Variants in MARCHF3 observed in about 807,000 individuals in gnomAD.
MARCHF3 encodes the protein membrane associated ring-CH-type finger 3, also known as E3 ubiquitin-protein ligase MARCHF3.
MARCHF3 carries 13 observed loss-of-function variants against 24.2 expected under a neutral mutation model. That is an observed-to-expected ratio of 0.54 (90% CI 0.35 to 0.85). The LOEUF is 0.85. MARCHF3 is among the 40% of genes least tolerant of loss of function. The pLI, the probability that MARCHF3 is intolerant of heterozygous loss-of-function variation, is 0.01. For missense variants in MARCHF3, 276 were observed against 325.0 expected, an observed-to-expected ratio of 0.85 and a Z score of 1.16; for synonymous variants, 144 against 137.3, an observed-to-expected ratio of 1.05 and a Z score of -0.34.
intron 3 of MARCHF3, among the ~76,000 whole-genome samples, chr5:126,907,664 A>G (rs1202485993): frequency 7.0e-6 from 1 of 142,398 alleles, no homozygotes; most frequent in Non-Finnish European, 1.5e-5. Flanking sequence ...TTTGTTTTCC[A>G]TTTGCTTGGT....
At chr5:126,990,335 G>A (rs1461172960) in intron 1 of MARCHF3, among the ~76,000 whole-genome samples, 2 of 152,050 alleles carry the variant, frequency 1.3e-5, no homozygotes, top group Admixed American at 6.6e-5. Context: ...GGGAAAACTG[G>A]CTAGCCATAT....
At position 126,958,680 on chromosome 5, in the gene MARCHF3, C is replaced by T. The variant is rs1370359832; in HGVS notation, c.-56-40453G>A. Among the ~76,000 whole-genome samples, 3 of 151,532 alleles carry T rather than the reference C, an allele frequency of 2.0e-5. No homozygotes were observed. In the South Asian group the frequency reaches 6.3e-4, roughly 32 times the overall value. On this transcript the variant is annotated intron_variant, in intron 1 of 4. Transcript: ENST00000308660. ...TCTTCTAGTTAATAATCAAATGTGA[C>T]TTTTTTTTTAAAAATGCCACTTGTT...
chr5:126,874,849 A>G (rs907433678), intron 4 of MARCHF3, among the ~76,000 whole-genome samples: 1 of 151,776 alleles, frequency 6.6e-6, no homozygotes, highest in African/African-American at 2.4e-5. Context: ...ATGTGTCTAA[A>G]GCAGCCCCAC....
intron 1 of MARCHF3, among the ~76,000 whole-genome samples, chr5:126,967,907 C>G (rs1750870903): frequency 6.6e-6 from 1 of 152,144 alleles, no homozygotes; most frequent in Non-Finnish European, 1.5e-5. Context: ...GCAACCATCA[C>G]CATTATCTAA....
chr5:126,899,260 G>A, intron 3 of MARCHF3: 2 of 985,280 alleles, frequency 2.0e-6, no homozygotes, highest in South Asian at 9.4e-5. Context: ...CCCCAAATCT[G>A]CTGCACCTGT....
intron 3 of MARCHF3, among the ~76,000 whole-genome samples, chr5:126,912,134 G>A (rs975596709): frequency 6.6e-6 from 1 of 152,222 alleles, no homozygotes; most frequent in African/African-American, 2.4e-5. Context: ...ATAGCAGCCA[G>A]TGTACATACA....
At chr5:127,008,227 A>G (rs1183888963) in intron 1 of MARCHF3, among the ~76,000 whole-genome samples, 3 of 152,228 alleles carry the variant, frequency 2.0e-5, no homozygotes, top group South Asian at 2.1e-4. Context: ...GACGTTTCCA[A>G]CTGAAAATGA....
At chr5:126,993,132 C>G (rs1258232011) in intron 1 of MARCHF3, among the ~76,000 whole-genome samples, 1 of 152,142 alleles carries the variant, frequency 6.6e-6, no homozygotes, top group Non-Finnish European at 1.5e-5. Flanking sequence ...GAAAGACGAG[C>G]CCTCCAACTC....
intron 1 of MARCHF3, among the ~76,000 whole-genome samples, chr5:126,943,741 G>A (rs1486949214): frequency 6.6e-6 from 1 of 151,970 alleles, no homozygotes; most frequent in Non-Finnish European, 1.5e-5. Context: ...TGTCACTTGG[G>A]CAAGTAAAGG....
At chr5:126,971,044 G>C (rs1290004237) in intron 1 of MARCHF3, among the ~76,000 whole-genome samples, 1 of 152,172 alleles carries the variant, frequency 6.6e-6, no homozygotes, top group African/African-American at 2.4e-5. Context: ...TTCAAGAACA[G>C]AGAGAAATCT....
chr5:126,981,572 T>A (rs1751395522), intron 1 of MARCHF3, among the ~76,000 whole-genome samples: 3 of 152,262 alleles, frequency 2.0e-5, no homozygotes, highest in Non-Finnish European at 4.4e-5. Flanking sequence ...AGGATATTAA[T>A]GTACTTTGCA....
intron 3 of MARCHF3, among the ~76,000 whole-genome samples, chr5:126,900,483 G>A (rs1429043237): frequency 6.6e-6 from 1 of 152,050 alleles, no homozygotes; most frequent in Non-Finnish European, 1.5e-5. Context: ...ATAGACAGAA[G>A]TTGGCAGTCT....
At chr5:126,980,870 G>C (rs1018419712) in intron 1 of MARCHF3, among the ~76,000 whole-genome samples, 1 of 152,220 alleles carries the variant, frequency 6.6e-6, no homozygotes, top group Non-Finnish European at 1.5e-5. Context: ...CTATAACAAG[G>C]TTTAGTGAGG....
intron 3 of MARCHF3, among the ~76,000 whole-genome samples, chr5:126,910,036 C>G (rs528201843): frequency 5.8e-4 from 89 of 152,316 alleles, no homozygotes; most frequent in Non-Finnish European, 1.0e-3. Context: ...TCTTATCAAT[C>G]AGCTGGTTGT....
chr5:126,894,274 C>T (rs374387095), intron 3 of MARCHF3, among the ~76,000 whole-genome samples: 3 of 146,026 alleles, frequency 2.1e-5, no homozygotes, highest in Non-Finnish European at 3.0e-5. Flanking sequence ...TTAATTGGAG[C>T]ATTTAGTCCA....
At chr5:126,943,596 A>G (rs868709890) in intron 1 of MARCHF3, among the ~76,000 whole-genome samples, 1 of 151,158 alleles carries the variant, frequency 6.6e-6, no homozygotes. Context: ...AAAAAAAAAA[A>G]CCCCTCAAAA....
chr5:126,998,356 TG>T (rs926409725), intron 1 of MARCHF3, among the ~76,000 whole-genome samples: 3 of 152,202 alleles, frequency 2.0e-5, no homozygotes, highest in African/African-American at 7.2e-5. Context: ...ACCAAGTTCC[TG>T]GTCCCTTTTC....
intron 1 of MARCHF3, among the ~76,000 whole-genome samples, chr5:127,009,711 C>G (rs969480682): frequency 1.8e-4 from 28 of 152,190 alleles, no homozygotes; most frequent in African/African-American, 6.5e-4. Flanking sequence ...TCTGCCCCCA[C>G]AAAATCTTGT....
intron 1 of MARCHF3, among the ~76,000 whole-genome samples, chr5:126,961,388 A>G (rs1169091205): frequency 1.3e-5 from 2 of 152,158 alleles, no homozygotes; most frequent in Non-Finnish European, 2.9e-5. Context: ...TCAATCCCCA[A>G]TCAGAGATGT....
Sources: gnomAD v4.1 joint callset for allele counts (sites outside exome capture counted in the v4.1 genomes callset) on GRCh38, gnomAD v4.1.1 for gene constraint, MANE v1.5 for transcripts, NCBI Gene and HGNC (gene_info 2026-07-23, HGNC 2026-07-21) for gene names.